FMN1: variants seen among roughly 807,000 people sequenced by gnomAD.
The protein encoded by FMN1 is formin 1, also known as formin-1.
FMN1 carries 110 observed loss-of-function variants against 132.4 expected under a neutral mutation model. The observed-to-expected ratio is 0.83, with a 90% confidence interval of 0.71 to 0.97. The LOEUF is 0.97. Among genes scored for constraint, FMN1 ranks in the 50% least tolerant of loss-of-function variants. The pLI is 0.00. For synonymous variants in FMN1, 722 were observed against 651.7 expected, an observed-to-expected ratio of 1.11 and a Z score of -1.64; for missense variants, 1,792 against 1,705.3, an observed-to-expected ratio of 1.05 and a Z score of -0.90.
chr15:33,073,729 CTTGT>C (rs201470476), intron 5 of FMN1, among the ~76,000 whole-genome samples: 16,297 of 147,384 alleles, frequency 0.11, 1,667 homozygotes, highest in East Asian at 0.61. Context: ...ATTTACCTAG[CTTGT>C]TTTTTTTTTT....
chr15:33,178,847 G>A lies in FMN1; in HGVS notation c.-132+1351C>T, dbSNP rs76675405. The stretch of plus-strand genomic sequence containing the variant: ...GCCTTCTATTGGCAATGAACCTTTT[G>A]CAATGTATTGTTCCTATTTGATTAA... On this transcript the variant is annotated intron_variant, in intron 3 of 20. Transcript: ENST00000616417. Among the ~76,000 whole-genome samples the A allele has an allele frequency of 7.2e-3, 1,089 of 152,244 alleles. 7 individuals carry two copies. Among genetic ancestry groups the A allele is most frequent in the South Asian group, 0.017 (83 of 4,820 alleles).
rs1014192248 is a variant in FMN1, at chr15:32,964,996, G to A, written c.2988-739C>T. 2.0e-5 allele frequency among the ~76,000 whole-genome samples: 3 copies of A among 152,176 alleles called. No homozygotes were observed. In the East Asian group the frequency reaches 5.8e-4, roughly 29 times the overall value. ...GAAGAAAAGCTCTTGAGAATCAGGC[G>A]TAACAGAACAGCCTCCGTGAGCTGA... On this transcript the variant is annotated intron_variant, in intron 8 of 20. Transcript: ENST00000616417.
intron 19 of FMN1, among the ~76,000 whole-genome samples, chr15:32,798,060 T>C (rs1437197498): frequency 2.0e-5 from 3 of 152,212 alleles, no homozygotes; most frequent in Non-Finnish European, 4.4e-5. Context: ...TAAGACCTGT[T>C]TGAAATTTAA....
intron 9 of FMN1, among the ~76,000 whole-genome samples, chr15:32,949,964 TACACACATATATATACACACAC>T (rs2061595827): frequency 8.9e-5 from 3 of 33,608 alleles, no homozygotes; most frequent in African/African-American, 2.9e-4. Context: ...TATATATATA[TACACACATATATATACACACAC>T]ATATATATAC....
At chr15:33,127,036 G>A (rs1008161993) in intron 4 of FMN1, among the ~76,000 whole-genome samples, 7 of 152,078 alleles carry the variant, frequency 4.6e-5, no homozygotes, top group Non-Finnish European at 8.8e-5. Context: ...CAAGATGCAT[G>A]TTGCAAAAAG....
chr15:33,140,441 T>C (rs1963963448), intron 4 of FMN1, among the ~76,000 whole-genome samples: 1 of 152,200 alleles, frequency 6.6e-6, no homozygotes, highest in South Asian at 2.1e-4. Flanking sequence ...TCTGCTCTAA[T>C]GGAAGAGCCA....
At chr15:33,025,153 TAAG>T (rs921690792) in intron 6 of FMN1, among the ~76,000 whole-genome samples, 12 of 152,174 alleles carry the variant, frequency 7.9e-5, no homozygotes, top group African/African-American at 2.9e-4. Flanking sequence ...TTTCCTAAGT[TAAG>T]TAGTGAGTAT....
chr15:33,058,898 G>C (rs1277264833), intron 6 of FMN1, among the ~76,000 whole-genome samples: 2 of 152,098 alleles, frequency 1.3e-5, no homozygotes, highest in Non-Finnish European at 2.9e-5. Context: ...ATTTGTTATG[G>C]TGAGACATTT....
chr15:32,964,334 T>C (rs2030973043), intron 8 of FMN1, 77 bp from the exon 9 acceptor site: 2 of 1,043,534 alleles, frequency 1.9e-6, no homozygotes, highest in South Asian at 2.2e-5. Flanking sequence ...CTTTCTCTAA[T>C]CCATTTTTTA....
rs765618409 is a variant in FMN1 at position 33,067,592 on chromosome 15, G to A, written c.2044-2518C>T. 8 of 1,613,928 alleles carry A rather than the reference G, an allele frequency of 5.0e-6. No individual in the cohort carries two copies. The East Asian group carries it at 1.6e-4, about 31-fold the overall frequency. On this transcript the variant is annotated intron_variant, in intron 5 of 20. Coordinates refer to ENST00000616417, the MANE Select transcript of FMN1 (RefSeq NM_001277313.2). ...TCCCTCTGATTCTGTCTCCACGCTT[G>A]CAATTTTCTCATCATTTCCGAGGTC...
At chr15:33,026,470 AAT>A (rs2035681858) in intron 6 of FMN1, among the ~76,000 whole-genome samples, 4 of 150,014 alleles carry the variant, frequency 2.7e-5, no homozygotes, top group Non-Finnish European at 5.9e-5. Flanking sequence ...TTAGCCTTAT[AAT>A]CAGTGAGGAA....
chr15:33,165,608 G>T (rs1965074446), intron 3 of FMN1, among the ~76,000 whole-genome samples: 1 of 152,126 alleles, frequency 6.6e-6, no homozygotes, highest in South Asian at 2.1e-4. Context: ...AGCCAGGATG[G>T]TCTCAATCTT....
At chr15:33,022,122 A>C (rs981750116) in intron 6 of FMN1, among the ~76,000 whole-genome samples, 1 of 152,144 alleles carries the variant, frequency 6.6e-6, no homozygotes, top group Non-Finnish European at 1.5e-5. Flanking sequence ...CTACTAAATC[A>C]CCTCTAGATT....
chr15:33,009,449 A>G (rs991088832), intron 6 of FMN1, among the ~76,000 whole-genome samples: 1 of 152,090 alleles, frequency 6.6e-6, no homozygotes, highest in Non-Finnish European at 1.5e-5. Context: ...TGGTTCCTAC[A>G]TATCTCTCCC....
intron 15 of FMN1, among the ~76,000 whole-genome samples, chr15:32,895,010 G>C (rs2060120467): frequency 6.6e-6 from 1 of 152,072 alleles, no homozygotes; most frequent in Admixed American, 6.6e-5. Context: ...TGTGACTCTA[G>C]TATAATTTAT....
At chr15:32,835,588 G>A (rs2058603798) in intron 17 of FMN1, among the ~76,000 whole-genome samples, 2 of 152,240 alleles carry the variant, frequency 1.3e-5, no homozygotes, top group Admixed American at 6.5e-5. Flanking sequence ...ATGATGTGAT[G>A]GTTTGGAAGG....
intron 17 of FMN1, among the ~76,000 whole-genome samples, chr15:32,817,587 G>C (rs987571566): frequency 6.6e-6 from 1 of 152,164 alleles, no homozygotes; most frequent in African/African-American, 2.4e-5. Context: ...TGAGAGAACT[G>C]GGATTCCCAA....
Position 32,912,336 on chromosome 15 carries a change from G to A in FMN1, c.3227-1801C>T, listed in dbSNP as rs564270773. Among the ~76,000 whole-genome samples the A allele has an allele frequency of 6.6e-5, 10 of 152,256 alleles. No individual in the cohort carries two copies. The South Asian group carries it at 1.9e-3, about 28-fold the overall frequency. On this transcript the variant is annotated intron_variant, in intron 10 of 20. Coordinates refer to ENST00000616417, the MANE Select transcript of FMN1 (RefSeq NM_001277313.2). ...GAAAAATAACACCCAGAGAGGTTGG[G>A]ACTGAGAACAACCATGGGCTCTGAA... is the stretch of plus-strand genomic sequence containing the variant.
intron 7 of FMN1, among the ~76,000 whole-genome samples, chr15:32,995,098 G>T (rs1190374068): frequency 6.6e-6 from 1 of 150,682 alleles, no homozygotes; most frequent in Non-Finnish European, 1.5e-5. Flanking sequence ...TCACACAGAA[G>T]CATATATATA....
Sources: gnomAD v4.1 joint callset for allele counts (sites outside exome capture counted in the v4.1 genomes callset) on GRCh38, gnomAD v4.1.1 for gene constraint, MANE v1.5 for transcripts, NCBI Gene and HGNC (gene_info 2026-07-23, HGNC 2026-07-21) for gene names.